BEND7: variants seen among roughly 807,000 people sequenced by gnomAD.
BEND7 encodes the protein BEN domain containing 7.
Under a neutral mutation model 50.9 loss-of-function variants are expected in BEND7, and 28 were observed. The observed-to-expected ratio is 0.55, with a 90% CI of 0.41 to 0.75. BEND7 has a LOEUF of 0.75. Ranked by LOEUF, BEND7 falls within the 30% of genes least tolerant of loss-of-function variation. The pLI, the probability that BEND7 is intolerant of heterozygous loss-of-function variation, is 0.00. For missense variants in BEND7, 477 were observed against 491.3 expected, an observed-to-expected ratio of 0.97 and a Z score of 0.28; for synonymous variants, 170 against 183.9, an observed-to-expected ratio of 0.92 and a Z score of 0.61.
intron 7 of BEND7, among the ~76,000 whole-genome samples, chr10:13,448,853 T>G (rs1255376781): frequency 2.6e-5 from 4 of 151,790 alleles, no homozygotes; most frequent in Admixed American, 2.6e-4. Context: ...CAGGCGCCTG[T>G]AGTCCCAGCT....
chr10:13,529,459 AGAG>A (rs879653545), upstream of BEND7, among the ~76,000 whole-genome samples: 37 of 152,128 alleles, frequency 2.4e-4, no homozygotes, highest in Non-Finnish European at 4.9e-4. Context: ...AGAAGGACAG[AGAG>A]GAGGTTTTAG....
At chr10:13,455,265 G>A (rs1838685969) in intron 6 of BEND7, among the ~76,000 whole-genome samples, 1 of 152,050 alleles carries the variant, frequency 6.6e-6, no homozygotes, top group African/African-American at 2.4e-5. Context: ...CACAGGCTGG[G>A]TTGGGAGCCC....
intron 5 of BEND7, among the ~76,000 whole-genome samples, chr10:13,488,711 T>TCTCCTGAC (rs1337075473): frequency 6.6e-6 from 1 of 152,134 alleles, no homozygotes; most frequent in Non-Finnish European, 1.5e-5. Flanking sequence ...ACTGTCTCAA[T>TCTCCTGAC]CTCCTGACCT....
chr10:13,519,504 A>G (rs1227210683), intron 2 of BEND7, among the ~76,000 whole-genome samples: 2 of 152,198 alleles, frequency 1.3e-5, no homozygotes, highest in African/African-American at 2.4e-5. Flanking sequence ...AAAAAAGAAA[A>G]GATAACTCCT....
chr10:13,452,731 C>A, intron 6 of BEND7, 73 bp from the exon 7 acceptor site: 3 of 1,379,098 alleles, frequency 2.2e-6, no homozygotes, highest in Admixed American at 4.7e-5. Flanking sequence ...GAAATATATT[C>A]TAAAAAGAAA....
At chr10:13,524,397 C>T (rs937237073) in intron 2 of BEND7, among the ~76,000 whole-genome samples, 6 of 152,148 alleles carry the variant, frequency 3.9e-5, no homozygotes, top group African/African-American at 1.4e-4. Flanking sequence ...AATCCCAGCA[C>T]TTTGGGAGGC....
At chr10:13,526,104 T>C (rs1314475420) in intron 2 of BEND7, 34 bp downstream of exon 2, 1 of 1,151,628 alleles carries the variant, frequency 8.7e-7, no homozygotes, top group Non-Finnish European at 1.1e-6. Flanking sequence ...GGTCACGATG[T>C]TTTGCTGAGG....
intron 6 of BEND7, among the ~76,000 whole-genome samples, chr10:13,468,026 A>C (rs1297168563): frequency 6.6e-6 from 1 of 152,188 alleles, no homozygotes; most frequent in East Asian, 1.9e-4. Context: ...ATGACCATGT[A>C]TCCCGATCTG....
Position 13,441,734 on chromosome 10 carries a change from A to C in BEND7, c.*9T>G, listed in dbSNP as rs940025253. On this transcript the variant is annotated 3_prime_UTR_variant, in exon 9 of 9. Transcript: ENST00000466271. Reference sequence around the variant, plus strand: ...AAAAAACACAAGAGCTGTGGTTTGCAGTCCTTCATCAGACCACTTGAGAAA... The same window carrying C: ...AAAAAACACAAGAGCTGTGGTTTGCCGTCCTTCATCAGACCACTTGAGAAA... The C allele has an allele frequency of 6.2e-7, 1 of 1,613,988 alleles. No individual in the cohort carries two copies. Among genetic ancestry groups the C allele is most frequent in the Non-Finnish European group, 8.5e-7 (1 of 1,179,970 alleles).
intron 5 of BEND7, among the ~76,000 whole-genome samples, chr10:13,485,771 C>A (rs1465618593): frequency 2.0e-5 from 3 of 152,186 alleles, no homozygotes; most frequent in African/African-American, 7.2e-5. Flanking sequence ...TAATTTTGTT[C>A]ATAAATGTGA....
chr10:13,446,600 C>T (rs1200392530), intron 8 of BEND7: 1 of 152,362 alleles, frequency 6.6e-6, no homozygotes, highest in Non-Finnish European at 1.5e-5. Flanking sequence ...AGACACCTGC[C>T]CCTCTGGCTC....
rs567845868 is a variant in BEND7, at chr10:13,443,029, T to A, written c.1235-1279A>T. ...ATAAATACGTTTCAAAGCTCTATAT[T>A]CATACTGAGGTTTTGAATGAAAACA... On this transcript the variant is annotated intron_variant, in intron 8 of 8. Coordinates refer to ENST00000466271, the MANE Select transcript of BEND7 (RefSeq NM_001369863.1). 3.9e-5 allele frequency: 6 copies of A among 152,340 alleles called. No individual in the cohort carries two copies. The East Asian group carries it at 7.7e-4, about 20-fold the overall frequency. 9.4% of individuals were successfully genotyped at this position (152,340 alleles called of 1,614,324 possible). A position where few individuals can be genotyped will look rare whatever the true frequency, so the allele number is the denominator to read the frequency against.
intron 6 of BEND7, among the ~76,000 whole-genome samples, chr10:13,474,788 CG>C (rs1459047924): frequency 6.6e-6 from 1 of 152,204 alleles, no homozygotes; most frequent in Non-Finnish European, 1.5e-5. Context: ...GTGTTGGACT[CG>C]GGTTGATACC....
chr10:13,439,048 G>GGGA (rs989297498), downstream of BEND7: 4 of 933,506 alleles, frequency 4.3e-6, no homozygotes, highest in Non-Finnish European at 6.4e-6. Flanking sequence ...CTGGGCAAAG[G>GGGA]GGAGAGAGGG....
At chr10:13,448,137 C>T (rs1184547705) in intron 7 of BEND7, among the ~76,000 whole-genome samples, 1 of 152,194 alleles carries the variant, frequency 6.6e-6, no homozygotes. Context: ...TGCAAACCTT[C>T]GCTCGTGTCT....
rs79012636 is a variant in BEND7 at position 13,519,779 on chromosome 10, G to A, written c.145+6359C>T. Among the ~76,000 whole-genome samples, 848 of 152,252 alleles carry A rather than the reference G, an allele frequency of 5.6e-3. 9 individuals are homozygous for A. The highest frequency in any genetic ancestry group is 0.02 in the African/African-American group (817 of 41,540). ...TAAACTGAGGCGGCTTACAGGCCAA[G>A]GTAATATTTGAATTGAGCTTTAAAA... On this transcript the variant is annotated intron_variant, in intron 2 of 8. Coordinates refer to ENST00000466271, the MANE Select transcript of BEND7 (RefSeq NM_001369863.1).
chr10:13,461,719 C>A (rs1033283210), intron 6 of BEND7, among the ~76,000 whole-genome samples: 1 of 141,942 alleles, frequency 7.0e-6, no homozygotes, highest in Non-Finnish European at 1.5e-5. Context: ...GGAGACAGAG[C>A]GAGACTCCAT....
At chr10:13,491,471 G>A (rs1229801000) in intron 5 of BEND7, among the ~76,000 whole-genome samples, 1 of 151,616 alleles carries the variant, frequency 6.6e-6, no homozygotes, top group African/African-American at 2.4e-5. Flanking sequence ...GAGCTGACTG[G>A]TCCAGCATAG....
chr10:13,522,882 G>C (rs1258716719), intron 2 of BEND7, among the ~76,000 whole-genome samples: 4 of 152,182 alleles, frequency 2.6e-5, no homozygotes, highest in Non-Finnish European at 5.9e-5. Context: ...CTACAAAATG[G>C]GGATGACGGT....
Sources: allele counts gnomAD v4.1 joint callset (sites outside exome capture counted in the v4.1 genomes callset), GRCh38; gene constraint gnomAD v4.1.1; transcripts MANE v1.5; gene names NCBI Gene and HGNC (gene_info 2026-07-23, HGNC 2026-07-21).